EYS: variants seen among roughly 807,000 people sequenced by gnomAD.
EYS encodes the protein protein eyes shut homolog.
A neutral mutation model predicts 282.1 loss-of-function variants in EYS; 250 were observed. The observed-to-expected ratio is 0.89, with a 90% CI of 0.80 to 0.98. EYS has a LOEUF of 0.98. Ranked by LOEUF, EYS falls within the 50% of genes least tolerant of loss-of-function variation. EYS has a pLI of 0.00. For synonymous variants in EYS, 1,355 were observed against 1,282.9 expected (o/e 1.06, Z -1.20); for missense variants, 4,016 against 3,709.0 (o/e 1.08, Z -2.15).
intron 18 of EYS, among the ~76,000 whole-genome samples, chr6:64,900,076 A>G (rs937345841): frequency 6.6e-6 from 1 of 152,142 alleles, no homozygotes; most frequent in East Asian, 1.9e-4. Flanking sequence ...AAATAACATC[A>G]CACATCTACA....
intron 37 of EYS, among the ~76,000 whole-genome samples, chr6:63,802,513 G>C (rs1285505662): frequency 1.3e-5 from 2 of 151,542 alleles, no homozygotes; most frequent in Non-Finnish European, 2.9e-5. Flanking sequence ...TAAGATTCTT[G>C]ATAAAATTTT....
intron 30 of EYS, among the ~76,000 whole-genome samples, chr6:64,279,474 T>C (rs1392581046): frequency 6.6e-6 from 1 of 152,148 alleles, no homozygotes; most frequent in African/African-American, 2.4e-5. Context: ...CATACCTCTC[T>C]AGAGACCTTT....
intron 8 of EYS, among the ~76,000 whole-genome samples, chr6:65,370,878 G>C (rs1319814360): frequency 6.6e-6 from 1 of 151,822 alleles, no homozygotes; most frequent in Admixed American, 6.7e-5. Flanking sequence ...ACCATATAAA[G>C]AAACAAATAT....
intron 22 of EYS, among the ~76,000 whole-genome samples, chr6:64,786,573 T>C (rs969898676): frequency 5.9e-5 from 9 of 152,126 alleles, no homozygotes; most frequent in African/African-American, 1.7e-4. Context: ...TACTTTTTTA[T>C]CATGTCATTC....
intron 5 of EYS, among the ~76,000 whole-genome samples, chr6:65,444,765 T>C (rs1768587914): frequency 6.6e-6 from 1 of 152,060 alleles, no homozygotes; most frequent in African/African-American, 2.4e-5. Context: ...CTATAGAGCC[T>C]AACAGGTCAT....
chr6:64,989,394 AATAT>A (rs60684321), intron 14 of EYS, among the ~76,000 whole-genome samples: 1,380 of 69,706 alleles, frequency 0.02, 221 homozygotes, highest in African/African-American at 0.098. Flanking sequence ...GGCTAGCTGT[AATAT>A]ATATATATAT....
At chr6:65,334,917 A>G in intron 11 of EYS, 63 bp downstream of exon 11, 4 of 1,463,512 alleles carry the variant, frequency 2.7e-6, no homozygotes, top group Non-Finnish European at 3.8e-6. Context: ...CAGTTCGATG[A>G]CTATCAATTT....
At chr6:65,044,743 T>C (rs563585115) in intron 13 of EYS, among the ~76,000 whole-genome samples, 15 of 151,834 alleles carry the variant, frequency 9.9e-5, no homozygotes, top group African/African-American at 3.1e-4. Flanking sequence ...CTGGGGAAAA[T>C]TGAGATTCCC....
intron 5 of EYS, among the ~76,000 whole-genome samples, chr6:65,410,810 G>T (rs934735435): frequency 4.6e-5 from 7 of 151,416 alleles, no homozygotes; most frequent in Non-Finnish European, 8.8e-5. Context: ...GTTCAACAAT[G>T]GAAGAATGGA....
At chr6:65,117,215 A>G (rs1775401885) in intron 12 of EYS, among the ~76,000 whole-genome samples, 1 of 152,188 alleles carries the variant, frequency 6.6e-6, no homozygotes, top group African/African-American at 2.4e-5. Flanking sequence ...GAACGAACCA[A>G]ATGAACCAAA....
intron 15 of EYS, among the ~76,000 whole-genome samples, chr6:64,930,444 T>G (rs1768677260): frequency 7.2e-6 from 1 of 139,016 alleles, no homozygotes; most frequent in Non-Finnish European, 1.5e-5. Context: ...ACTTAGGACT[T>G]CTATGCATAA....
At chr6:65,578,419 G>C (rs1764752669) in intron 2 of EYS, among the ~76,000 whole-genome samples, 1 of 151,814 alleles carries the variant, frequency 6.6e-6, no homozygotes, top group Admixed American at 6.6e-5. Context: ...CATAGAAACA[G>C]AGTAAAATTG....
intron 19 of EYS, among the ~76,000 whole-genome samples, chr6:64,840,222 G>A (rs1167468447): frequency 6.6e-6 from 1 of 152,018 alleles, no homozygotes; most frequent in Admixed American, 6.6e-5. Context: ...GATTATCATG[G>A]TGTTTAAAAT....
intron 12 of EYS, among the ~76,000 whole-genome samples, chr6:65,192,527 G>A (rs1189757055): frequency 1.3e-5 from 2 of 151,702 alleles, no homozygotes; most frequent in Non-Finnish European, 2.9e-5. Flanking sequence ...ATCAGAAGAT[G>A]TAAACATACT....
chr6:64,578,715 T>C (rs1765967671), intron 26 of EYS, among the ~76,000 whole-genome samples: 1 of 152,098 alleles, frequency 6.6e-6, no homozygotes, highest in African/African-American at 2.4e-5. Flanking sequence ...TCTTGTTTTC[T>C]TGTTTAGCAA....
intron 19 of EYS, among the ~76,000 whole-genome samples, chr6:64,825,973 A>C (rs1215152305): frequency 6.6e-6 from 1 of 151,830 alleles, no homozygotes; most frequent in Non-Finnish European, 1.5e-5. Context: ...TTATCTTCAT[A>C]GGATAACAAT....
At chr6:63,825,104 G>C (rs1312686150) in intron 36 of EYS, among the ~76,000 whole-genome samples, 1 of 152,170 alleles carries the variant, frequency 6.6e-6, no homozygotes, top group Non-Finnish European at 1.5e-5. Flanking sequence ...TTGCATGGGA[G>C]CTGGGTGAGG....
chr6:64,341,347 G>A (rs1421805473), intron 29 of EYS, among the ~76,000 whole-genome samples: 1 of 151,766 alleles, frequency 6.6e-6, no homozygotes. Flanking sequence ...TATAGACCAT[G>A]GAATATTACA....
At chr6:64,664,722 T>C (rs1004091856) in intron 22 of EYS, among the ~76,000 whole-genome samples, 1 of 152,158 alleles carries the variant, frequency 6.6e-6, no homozygotes, top group African/African-American at 2.4e-5. Context: ...CATTTGACCT[T>C]TTCATCATGA....
Sources: gnomAD v4.1 joint callset for allele counts (sites outside exome capture counted in the v4.1 genomes callset) on GRCh38, gnomAD v4.1.1 for gene constraint, MANE v1.5 for transcripts, NCBI Gene and HGNC (gene_info 2026-07-23, HGNC 2026-07-21) for gene names.